The following NPAS2 variants were observed in gnomAD, a reference collection of about 807,000 sequenced individuals.
The protein encoded by NPAS2 is neuronal PAS domain-containing protein 2.
In NPAS2, 23 loss-of-function variants were observed where a neutral mutation model predicts 107.5. The ratio of observed to expected loss-of-function variants is 0.21; its 90% confidence interval spans 0.15 to 0.30. The LOEUF (loss-of-function observed/expected upper bound fraction) is 0.30. NPAS2 is among the 10% of genes least tolerant of loss of function. The probability of loss-of-function intolerance (pLI) is 1.00; values close to 1 mark genes in which losing one functional copy is unlikely to be tolerated. For missense variants in NPAS2, 756 were observed against 1,043.3 expected, an observed-to-expected ratio of 0.72 and a Z score of 3.79; for synonymous variants, 403 against 417.5, an observed-to-expected ratio of 0.97 and a Z score of 0.42.
chr2:100,860,158 C>A (rs1453705944), intron 1 of NPAS2, among the ~76,000 whole-genome samples: 6 of 152,200 alleles, frequency 3.9e-5, no homozygotes, highest in African/African-American at 1.4e-4. Context: ...TTTCTTCCTT[C>A]TGGGATGGTT....
In NPAS2 at chr2:100,990,082, A is replaced by T; in HGVS notation, c.1828-174A>T. On this transcript the variant is annotated intron_variant, in intron 17 of 20. Transcript: ENST00000335681. The stretch of plus-strand genomic sequence containing the variant: ...GCACTGTCCTAGGCCCAAGGGATTC[A>T]AATACAATCCAATGGGGAAGACAGT... The T allele has an allele frequency of 4.4e-6, 3 of 677,024 alleles. No homozygotes were observed. The South Asian group carries it at 5.5e-5, about 12-fold the overall frequency. 41.9% of individuals were successfully genotyped at this position (677,024 alleles called of 1,614,324 possible). A position where few individuals can be genotyped will look rare whatever the true frequency, so the allele number is the denominator to read the frequency against.
At chr2:100,920,510 A>G (rs1460244776) in intron 2 of NPAS2, among the ~76,000 whole-genome samples, 1 of 152,108 alleles carries the variant, frequency 6.6e-6, no homozygotes, top group Non-Finnish European at 1.5e-5. Context: ...AGTTCCACCC[A>G]TGAGTGCCTT....
chr2:100,825,727 G>T (rs1676333523), intron 1 of NPAS2, among the ~76,000 whole-genome samples: 1 of 152,280 alleles, frequency 6.6e-6, no homozygotes, highest in Admixed American at 6.5e-5. Flanking sequence ...GGGCCACTGG[G>T]AGGCTTCTGG....
At chr2:100,910,518 ATCT>A (rs1330852410) in intron 2 of NPAS2, among the ~76,000 whole-genome samples, 3 of 132,456 alleles carry the variant, frequency 2.3e-5, no homozygotes, top group East Asian at 2.3e-4. Context: ...GCCAGATGAC[ATCT>A]TCTTTTTTTT....
At chr2:100,901,491 G>A (rs1479028454) in intron 1 of NPAS2, 1 of 984,620 alleles carries the variant, frequency 1.0e-6, no homozygotes, top group African/African-American at 1.7e-5. Flanking sequence ...AACTGGAAGA[G>A]CCCCAGAGAG....
chr2:100,843,344 C>CT (rs746912111), intron 1 of NPAS2, among the ~76,000 whole-genome samples: 55 of 152,216 alleles, frequency 3.6e-4, no homozygotes, highest in Non-Finnish European at 3.1e-4. Context: ...TAATCATTGG[C>CT]TATAAAGCCT....
intron 7 of NPAS2, 89 bp from the exon 8 acceptor site, chr2:100,963,969 G>A (rs560250747): frequency 3.7e-5 from 28 of 766,296 alleles, no homozygotes; most frequent in African/African-American, 2.2e-4. Context: ...TGGGGGCAGC[G>A]CTTGGCTTAC....
At chr2:100,885,126 A>G (rs573756251) in intron 1 of NPAS2, among the ~76,000 whole-genome samples, 1 of 151,620 alleles carries the variant, frequency 6.6e-6, no homozygotes, top group Non-Finnish European at 1.5e-5. Flanking sequence ...TTTTTTTTGT[A>G]TTTTTAGTAG....
chr2:100,970,426 G>T (rs1676470073), intron 11 of NPAS2, among the ~76,000 whole-genome samples: 1 of 152,206 alleles, frequency 6.6e-6, no homozygotes, highest in Non-Finnish European at 1.5e-5. Flanking sequence ...CCACACTCGG[G>T]GCAGAGGCAC....
In NPAS2 at chr2:100,949,413, G is replaced by T; in HGVS notation, c.531G>T (p.Leu177Phe). The change falls in exon 7 of 21, where the codon TTG becomes TTT. Residue 177 changes from leucine (L) to phenylalanine (F), a missense_variant. This residue lies in a region of NPAS2 where 146 missense variants were observed against 249.6 expected (regional missense o/e 0.58). Transcript: ENST00000335681. ...ATTGCCATCTTCTCAGAGGCAGCTT[G>T]AACCCAAAGGAATTTCCAACTTATG... ...EFYCHLLRGS[L>F]NPKEFPTYEY... 6.2e-7 allele frequency: 1 copy of T among 1,613,924 alleles called. No individual in the cohort carries two copies. Among genetic ancestry groups the T allele is most frequent in the Non-Finnish European group, 8.5e-7 (1 of 1,179,846 alleles).
In NPAS2 at chr2:100,990,393, G is replaced by A; in HGVS notation, c.1965G>A (p.Gln655=). The part of the protein sequence containing the change: ...LNLTTPASTS[Q]DASQCQPSPD... ...TGACCACACCTGCTTCCACCTCCCAGGATGCCAGCCAGTGCCAGCCCAGCC... is the reference window on the plus strand; with the variant it reads ...TGACCACACCTGCTTCCACCTCCCAAGATGCCAGCCAGTGCCAGCCCAGCC... Residue 655 remains glutamine (Q), a synonymous_variant, in exon 18 of 21, where the codon CAG becomes CAA. Coordinates refer to ENST00000335681, the MANE Select transcript of NPAS2 (RefSeq NM_002518.4). 6.2e-7 allele frequency: 1 copy of A among 1,614,220 alleles called. No individual in the cohort carries two copies. Among genetic ancestry groups the A allele is most frequent in the Non-Finnish European group, 8.5e-7 (1 of 1,180,034 alleles).
At chr2:100,951,355 A>C (rs1675211622) in intron 7 of NPAS2, among the ~76,000 whole-genome samples, 1 of 152,252 alleles carries the variant, frequency 6.6e-6, no homozygotes, top group South Asian at 2.1e-4. Flanking sequence ...AAAGAAGGGA[A>C]GACAGGAACT....
chr2:100,836,061 G>A (rs765587384), intron 1 of NPAS2, among the ~76,000 whole-genome samples: 1 of 152,076 alleles, frequency 6.6e-6, no homozygotes, highest in East Asian at 1.9e-4. Flanking sequence ...CCCCACTCCC[G>A]CCACCAGCCT....
intron 1 of NPAS2, among the ~76,000 whole-genome samples, chr2:100,887,775 C>G (rs1278670578): frequency 1.3e-5 from 2 of 152,072 alleles, no homozygotes; most frequent in Non-Finnish European, 2.9e-5. Context: ...CATGAGCCAC[C>G]CAGGCTGGGT....
At chr2:100,934,632 C>T (rs533774447) in intron 4 of NPAS2, among the ~76,000 whole-genome samples, 3 of 152,316 alleles carry the variant, frequency 2.0e-5, no homozygotes, top group South Asian at 2.1e-4. Context: ...CCAACTAGTA[C>T]TGTTGACCCT....
At chr2:100,885,154 G>C (rs1343033839) in intron 1 of NPAS2, among the ~76,000 whole-genome samples, 1 of 152,062 alleles carries the variant, frequency 6.6e-6, no homozygotes, top group Non-Finnish European at 1.5e-5. Flanking sequence ...GTTTCACCCT[G>C]TTAGCCAGGA....
intron 3 of NPAS2, among the ~76,000 whole-genome samples, chr2:100,926,954 T>TG (rs1683610075): frequency 6.7e-6 from 1 of 149,506 alleles, no homozygotes; most frequent in Non-Finnish European, 1.5e-5. Flanking sequence ...TTTTTTTTTT[T>TG]TTTTGAGACA....
intron 1 of NPAS2, among the ~76,000 whole-genome samples, chr2:100,833,322 A>T (rs1676861647): frequency 6.6e-6 from 1 of 152,222 alleles, no homozygotes. Flanking sequence ...AATCAAGAGG[A>T]GAGAATGCTT....
chr2:100,829,566 C>T (rs1484819513), intron 1 of NPAS2, among the ~76,000 whole-genome samples: 4 of 152,000 alleles, frequency 2.6e-5, no homozygotes, highest in African/African-American at 7.2e-5. Flanking sequence ...TGGAGTTTTT[C>T]GGGGTTTTCT....
Sources: allele counts gnomAD v4.1 joint callset (sites outside exome capture counted in the v4.1 genomes callset), GRCh38; gene constraint gnomAD v4.1.1; regional missense constraint gnomAD v4.1.1; transcripts MANE v1.5; gene names NCBI Gene and HGNC (gene_info 2026-07-23, HGNC 2026-07-21).